Variants in RYR3 observed in about 807,000 individuals in gnomAD.
The protein encoded by RYR3 is ryanodine receptor 3.
In RYR3, 207 loss-of-function variants were observed where a neutral mutation model predicts 584.3. The ratio of observed to expected loss-of-function variants is 0.35; its 90% CI spans 0.32 to 0.40. The LOEUF (loss-of-function observed/expected upper bound fraction) is 0.40, where lower values mean the gene tolerates loss of function less well. Ranked by LOEUF, RYR3 falls within the 10% of genes least tolerant of loss-of-function variation. The probability of loss-of-function intolerance (pLI) is 1.00; values close to 1 mark genes in which losing one functional copy is unlikely to be tolerated. For synonymous variants in RYR3, 2,416 were observed against 2,248.5 expected, an observed-to-expected ratio of 1.07 and a Z score of -2.11; for missense variants, 5,616 against 6,089.2, an observed-to-expected ratio of 0.92 and a Z score of 2.59.
At chr15:33,794,039 A>AGTACATATTATATATAATAT in intron 67 of RYR3, among the ~76,000 whole-genome samples, 1 of 33,312 alleles carries the variant, frequency 3.0e-5, no homozygotes, top group African/African-American at 5.7e-5. Flanking sequence ...TATATACATA[A>AGTACATATTATATATAATAT]ATACATATAT....
Position 33,623,896 on chromosome 15 carries a change from A to G in RYR3, c.2447A>G (p.Lys816Arg), listed in dbSNP as rs1425628516. The G allele has an allele frequency of 6.2e-7, 1 of 1,613,772 alleles. No individual in the cohort carries two copies. The highest frequency in any genetic ancestry group is 1.7e-5 in the Admixed American group (1 of 59,996). ...CCTTGCTATGAAGCCTTACTTCCAA[A>G]AGAGAAGATGAGATTGGAGCCTGTC... The part of the protein sequence containing the change: ...YAPCYEALLP[K>R]EKMRLEPVKE... Residue 816 changes from lysine (K) to arginine (R), a missense_variant, in exon 20 of 104, where the codon AAA (lysine) becomes AGA (arginine). By Grantham distance (26) the Lys-to-Arg change is conservative. Transcript: ENST00000634891.
intron 80 of RYR3, among the ~76,000 whole-genome samples, chr15:33,822,197 T>C (rs757539523): frequency 1.3e-5 from 2 of 152,182 alleles, no homozygotes; most frequent in Non-Finnish European, 2.9e-5. Flanking sequence ...ACCTGACACA[T>C]GGTATTTCTT....
intron 1 of RYR3, among the ~76,000 whole-genome samples, chr15:33,366,454 A>G (rs1384256383): frequency 6.6e-6 from 1 of 152,230 alleles, no homozygotes; most frequent in Non-Finnish European, 1.5e-5. Context: ...GGGCTCATCT[A>G]AGAAGATAAA....
At chr15:33,560,319 T>C (rs1177791748) in intron 10 of RYR3, among the ~76,000 whole-genome samples, 4 of 152,250 alleles carry the variant, frequency 2.6e-5, no homozygotes, top group African/African-American at 7.2e-5. Context: ...ACATTAGAAG[T>C]GCCCACTGCA....
chr15:33,463,932 C>T (rs1043062984), intron 1 of RYR3, among the ~76,000 whole-genome samples: 2 of 152,160 alleles, frequency 1.3e-5, no homozygotes, highest in Non-Finnish European at 2.9e-5. Flanking sequence ...TGGACACTTT[C>T]AGCAAAAATC....
intron 3 of RYR3, among the ~76,000 whole-genome samples, chr15:33,510,266 G>A (rs1332007865): frequency 6.6e-6 from 1 of 152,084 alleles, no homozygotes; most frequent in African/African-American, 2.4e-5. Context: ...TTACCAACTG[G>A]GCTTTAGGTT....
chr15:33,571,333 C>T (rs573545267), intron 12 of RYR3, among the ~76,000 whole-genome samples: 4 of 152,186 alleles, frequency 2.6e-5, no homozygotes, highest in South Asian at 2.1e-4. Context: ...CTTGGTCTAT[C>T]GATATGATCA....
intron 36 of RYR3, among the ~76,000 whole-genome samples, chr15:33,666,246 C>T (rs2063488078): frequency 6.6e-6 from 1 of 152,150 alleles, no homozygotes; most frequent in African/African-American, 2.4e-5. Flanking sequence ...CCTCAAGCTC[C>T]ACCTGCCTCA....
In RYR3 at chr15:33,494,683, A is replaced by G. The variant is rs368497564; in HGVS notation, c.172-8948A>G. Among the ~76,000 whole-genome samples the G allele has an allele frequency of 6.6e-5, 10 of 152,272 alleles. No individual in the cohort carries two copies. In the East Asian group the frequency reaches 1.7e-3, roughly 26 times the overall value. On this transcript the variant is annotated intron_variant, in intron 2 of 103. Coordinates refer to ENST00000634891, the MANE Select transcript of RYR3 (RefSeq NM_001036.6). The stretch of plus-strand genomic sequence containing the variant: ...CCAGAAAAAAGAATATTTTCCAGCT[A>G]TAAGTTTAAATTTTCTGCATCTTAC...
chr15:33,752,427 C>T (rs985928082), intron 57 of RYR3, among the ~76,000 whole-genome samples: 8 of 152,094 alleles, frequency 5.3e-5, no homozygotes, highest in Admixed American at 2.0e-4. Flanking sequence ...TTGTAGTTCT[C>T]CTTGAAGACA....
chr15:33,835,066 C>G lies in RYR3; in HGVS notation c.11562C>G (p.Leu3854=). ...LHVFANMQMK[L]SQDSSQIELL... is the part of the protein sequence containing the mutation. The stretch of plus-strand genomic sequence containing the variant: ...TCTTTGCTAATATGCAGATGAAACT[C>G]TCTCAGGTACTGTGGCCCATTCCCT... Residue 3854 remains leucine, a synonymous_variant, in exon 87 of 104, where the codon CTC becomes CTG. Transcript: ENST00000634891. 6.2e-7 allele frequency: 1 copy of G among 1,611,246 alleles called. No homozygotes were observed. Among genetic ancestry groups the G allele is most frequent in the African/African-American group, 1.3e-5 (1 of 74,998 alleles).
intron 102 of RYR3, 86 bp downstream of exon 102, chr15:33,861,264 AAG>A: frequency 3.0e-6 from 3 of 992,838 alleles, no homozygotes; most frequent in Non-Finnish European, 4.6e-6. Flanking sequence ...CTGCTGGAAA[AAG>A]AGTAACCAGA....
At chr15:33,642,227 G>A (rs1477655135) in intron 27 of RYR3, among the ~76,000 whole-genome samples, 2 of 152,130 alleles carry the variant, frequency 1.3e-5, no homozygotes, top group African/African-American at 2.4e-5. Flanking sequence ...AATCTTCATT[G>A]TTGCTGCTTC....
chr15:33,450,112 G>A (rs78752942), intron 1 of RYR3, among the ~76,000 whole-genome samples: 739 of 36,552 alleles, frequency 0.02, 3 homozygotes, highest in African/African-American at 0.022. Flanking sequence ...AAAAAAAAAA[G>A]CCGGCAACTG....
At chr15:33,714,897 A>T (rs1388013700) in intron 43 of RYR3, among the ~76,000 whole-genome samples, 1 of 152,246 alleles carries the variant, frequency 6.6e-6, no homozygotes, top group Non-Finnish European at 1.5e-5. Flanking sequence ...GATCAGAAAC[A>T]TGTATGGAAT....
chr15:33,651,892 G>A (rs72713244), intron 31 of RYR3, among the ~76,000 whole-genome samples: 23,010 of 152,182 alleles, frequency 0.15, 2,039 homozygotes, highest in East Asian at 0.25. Flanking sequence ...AGAAAGAATC[G>A]GCCATCTCTT....
chr15:33,674,847 A>G (rs1188342215), intron 38 of RYR3, among the ~76,000 whole-genome samples: 1 of 151,742 alleles, frequency 6.6e-6, no homozygotes, highest in Admixed American at 6.6e-5. Flanking sequence ...AGTTCATGTC[A>G]TATACAGGAG....
intron 1 of RYR3, among the ~76,000 whole-genome samples, chr15:33,420,565 C>A (rs754877868): frequency 1.3e-5 from 2 of 152,072 alleles, no homozygotes; most frequent in Admixed American, 6.5e-5. Context: ...CCTTATTTTG[C>A]AGACGAAGTT....
At chr15:33,562,319 C>T (rs1278485268) in intron 10 of RYR3, among the ~76,000 whole-genome samples, 2 of 152,184 alleles carry the variant, frequency 1.3e-5, no homozygotes, top group East Asian at 1.9e-4. Flanking sequence ...GCTTAAGCCA[C>T]GGTATTAACC....
Sources: gnomAD v4.1 joint callset for allele counts (sites outside exome capture counted in the v4.1 genomes callset) on GRCh38, gnomAD v4.1.1 for gene constraint, MANE v1.5 for transcripts, NCBI Gene and HGNC (gene_info 2026-07-23, HGNC 2026-07-21) for gene names.